The following MMD2 variants were observed in gnomAD, a reference collection of about 807,000 sequenced individuals.
The protein encoded by MMD2 is monocyte to macrophage differentiation factor 2.
In MMD2, 30 loss-of-function variants were observed where a neutral mutation model predicts 33.5. The observed-to-expected ratio is 0.90, with a 90% CI of 0.67 to 1.22. The LOEUF (loss-of-function observed/expected upper bound fraction) is 1.22, where lower values mean the gene tolerates loss of function less well. MMD2 is among the 50% of genes most tolerant of loss of function. The pLI, the probability that MMD2 is intolerant of heterozygous loss-of-function variation, is 0.00. For synonymous variants in MMD2, 129 were observed against 123.0 expected (o/e 1.05, Z -0.32); for missense variants, 364 against 325.4 (o/e 1.12, Z -0.91).
chr7:4,951,774 A>G (rs1408687972), intron 1 of MMD2, among the ~76,000 whole-genome samples: 1 of 151,776 alleles, frequency 6.6e-6, no homozygotes, highest in Non-Finnish European at 1.5e-5. Context: ...TAATTTTTAA[A>G]TTTTTTGTAC....
the MMD2 span, among the ~76,000 whole-genome samples, chr7:4,894,848 A>G: frequency 3.9e-5 from 6 of 152,074 alleles, no homozygotes; most frequent in African/African-American, 1.2e-4. The surrounding 1 kb of genome is among the most constrained non-coding windows in gnomAD (Gnocchi z 4.3). Flanking sequence ...CAGGTCACCC[A>G]AACAAGTTGA....
intron 1 of MMD2, among the ~76,000 whole-genome samples, chr7:4,925,873 G>T (rs1057446469): frequency 6.6e-6 from 1 of 152,178 alleles, no homozygotes; most frequent in Non-Finnish European, 1.5e-5. Context: ...GAGTGTAGTG[G>T]TGTGATCTCA....
intron 1 of MMD2, among the ~76,000 whole-genome samples, chr7:4,952,113 C>T (rs1292091835): frequency 6.6e-6 from 1 of 152,206 alleles, no homozygotes; most frequent in East Asian, 1.9e-4. Context: ...GCCCACCACA[C>T]GCCAGACCAT....
At chr7:4,937,068 T>C (rs1785761158) in intron 1 of MMD2, among the ~76,000 whole-genome samples, 1 of 150,410 alleles carries the variant, frequency 6.6e-6, no homozygotes, top group South Asian at 2.2e-4. Flanking sequence ...TTAGTCCATC[T>C]TCTGCTGGAA....
chr7:4,954,117 C>T (rs1171112946), intron 1 of MMD2, among the ~76,000 whole-genome samples: 1 of 152,176 alleles, frequency 6.6e-6, no homozygotes, highest in African/African-American at 2.4e-5. Flanking sequence ...CAGGCATCAG[C>T]CACTGCACCC....
At chr7:4,899,086 G>C in the MMD2 span, among the ~76,000 whole-genome samples, 10 of 152,112 alleles carry the variant, frequency 6.6e-5, no homozygotes, top group African/African-American at 2.4e-4. Flanking sequence ...CAAGAGGCCT[G>C]AGAGAGCTGC....
chr7:4,927,712 A>C (rs1368363470), intron 1 of MMD2, among the ~76,000 whole-genome samples: 2 of 152,168 alleles, frequency 1.3e-5, no homozygotes, highest in Non-Finnish European at 2.9e-5. Flanking sequence ...TTCTCAAAAA[A>C]ACCAAACCAA....
intron 1 of MMD2, among the ~76,000 whole-genome samples, chr7:4,929,528 GTC>G (rs1050675669): frequency 1.3e-5 from 2 of 151,810 alleles, no homozygotes; most frequent in African/African-American, 2.4e-5. Flanking sequence ...TTGAGATGGA[GTC>G]TCTTTTTTTT....
At chr7:4,917,882 C>T (rs1347433026) in intron 3 of MMD2, among the ~76,000 whole-genome samples, 1 of 152,048 alleles carries the variant, frequency 6.6e-6, no homozygotes, top group East Asian at 1.9e-4. Context: ...CCTCCCAAAA[C>T]AAATAAGGTA....
chr7:4,948,549 C>T (rs1202825806), intron 1 of MMD2, among the ~76,000 whole-genome samples: 1 of 151,790 alleles, frequency 6.6e-6, no homozygotes, highest in Non-Finnish European at 1.5e-5. Flanking sequence ...AAGAAATCCA[C>T]ATGTTGAAAT....
chr7:4,924,471 G>T (rs1457302852), intron 2 of MMD2, among the ~76,000 whole-genome samples: 2 of 152,254 alleles, frequency 1.3e-5, no homozygotes, highest in Non-Finnish European at 2.9e-5. Flanking sequence ...TCCAGCAGGG[G>T]TTCTGTTTGA....
At chr7:4,953,468 T>A (rs1157609332) in intron 1 of MMD2, among the ~76,000 whole-genome samples, 5 of 134,728 alleles carry the variant, frequency 3.7e-5, no homozygotes, top group Non-Finnish European at 6.8e-5. Context: ...TTCGTGTGAT[T>A]CAGTCTCTTT....
chr7:4,905,140 G>A (rs1347153237), downstream of MMD2, among the ~76,000 whole-genome samples: 2 of 152,134 alleles, frequency 1.3e-5, no homozygotes, highest in Non-Finnish European at 2.9e-5. This position sits in a 1 kb window ranked among gnomAD's most constrained non-coding sequence, Gnocchi z 5.0. Flanking sequence ...GGAGGTGCAG[G>A]TGTCAGACTG....
At chr7:4,892,875 T>C in the MMD2 span, among the ~76,000 whole-genome samples, 1 of 151,890 alleles carries the variant, frequency 6.6e-6, no homozygotes, top group African/African-American at 2.4e-5. Flanking sequence ...CCACCACACC[T>C]AGCTAATTTT....
rs781489416 is a variant in MMD2, at chr7:4,911,172, G to A, written c.440C>T (p.Thr147Ile). The part of the protein sequence containing the change: ...WLVWIMASVG[T>I]IYVFFFHERY... ...CTCATGGAAGAAGAAGACATAGATG[G>A]TGCCCACGGAAGCCATAATCCAGAC... Residue 147 changes from threonine (T) to isoleucine (I), a missense_variant, in exon 5 of 7, where the codon ACC becomes ATC. Transcript: ENST00000401401. 67 of 1,594,204 alleles carry A rather than the reference G, an allele frequency of 4.2e-5. No homozygotes were observed. Among genetic ancestry groups the A allele is most frequent in the Non-Finnish European group, 5.3e-5 (62 of 1,171,316 alleles).
chr7:4,927,339 G>T (rs1785459539), intron 1 of MMD2, among the ~76,000 whole-genome samples: 1 of 152,012 alleles, frequency 6.6e-6, no homozygotes, highest in African/African-American at 2.4e-5. Flanking sequence ...TAGGCCAGGA[G>T]TTCGAGACCA....
At chr7:4,957,189 T>C (rs1032873804) in intron 1 of MMD2, among the ~76,000 whole-genome samples, 2 of 149,910 alleles carry the variant, frequency 1.3e-5, no homozygotes, top group East Asian at 3.9e-4. Context: ...TATATATATA[T>C]ATAAATTATC....
At chr7:4,957,115 G>T (rs1295264191) in intron 1 of MMD2, among the ~76,000 whole-genome samples, 1 of 151,164 alleles carries the variant, frequency 6.6e-6, no homozygotes, top group Non-Finnish European at 1.5e-5. Flanking sequence ...GCAGTGAGCT[G>T]AGATCACGCC....
At chr7:4,949,983 A>G (rs1432429340) in intron 1 of MMD2, among the ~76,000 whole-genome samples, 2 of 152,148 alleles carry the variant, frequency 1.3e-5, no homozygotes, top group African/African-American at 2.4e-5. Context: ...TATTTTTAGA[A>G]TAATTTTTTT....
Sources: gnomAD v4.1 joint callset for allele counts (sites outside exome capture counted in the v4.1 genomes callset) on GRCh38, gnomAD v4.1.1 for gene constraint, Gnocchi (gnomAD v3.1) non-coding constraint, MANE v1.5 for transcripts, NCBI Gene and HGNC (gene_info 2026-07-23, HGNC 2026-07-21) for gene names.